Variants in SKAP2 observed in about 807,000 individuals in gnomAD.
SKAP2 encodes src kinase associated phosphoprotein 2.
A neutral mutation model predicts 54.9 loss-of-function variants in SKAP2; 28 were observed. The observed-to-expected ratio is 0.51, with a 90% CI of 0.38 to 0.70. The LOEUF (loss-of-function observed/expected upper bound fraction) is 0.70. Among genes scored for constraint, SKAP2 ranks in the 30% least tolerant of loss-of-function variants. The probability of loss-of-function intolerance (pLI) is 0.00; values close to 1 mark genes in which losing one functional copy is unlikely to be tolerated. For synonymous variants in SKAP2, 137 were observed against 134.3 expected (o/e 1.02, Z -0.14); for missense variants, 356 against 424.1 (o/e 0.84, Z 1.41).
At chr7:26,802,880 A>C (rs981856629) in intron 4 of SKAP2, among the ~76,000 whole-genome samples, 1 of 152,048 alleles carries the variant, frequency 6.6e-6, no homozygotes, top group African/African-American at 2.4e-5. Context: ...TCAATAAATA[A>C]ATAAATAAAT....
intron 11 of SKAP2, among the ~76,000 whole-genome samples, chr7:26,683,507 A>ACACT (rs1786554842): frequency 6.7e-6 from 1 of 148,346 alleles, no homozygotes; most frequent in African/African-American, 2.6e-5. Flanking sequence ...GGGTCCTGGC[A>ACACT]CACTGCAGGT....
intron 4 of SKAP2, among the ~76,000 whole-genome samples, chr7:26,794,755 C>T (rs1036191849): frequency 1.1e-4 from 17 of 152,012 alleles, no homozygotes; most frequent in African/African-American, 3.9e-4. Flanking sequence ...TTGTCCAGCC[C>T]ACCACCACTG....
chr7:26,771,471 C>T (rs997156519), intron 4 of SKAP2, among the ~76,000 whole-genome samples: 9 of 152,090 alleles, frequency 5.9e-5, no homozygotes, highest in African/African-American at 2.2e-4. Context: ...CTTGTGATAC[C>T]AGTGGATAGG....
At chr7:26,850,298 G>A (rs1272624418) in intron 3 of SKAP2, among the ~76,000 whole-genome samples, 5 of 152,038 alleles carry the variant, frequency 3.3e-5, no homozygotes, top group East Asian at 1.9e-4. Context: ...TTATTCTGTC[G>A]GCCGAGCATG....
At chr7:26,737,341 C>T (rs920744827) in intron 6 of SKAP2, among the ~76,000 whole-genome samples, 1 of 152,200 alleles carries the variant, frequency 6.6e-6, no homozygotes, top group Admixed American at 6.5e-5. Flanking sequence ...TTGTTTATAG[C>T]TGTTTACAGT....
chr7:26,831,352 T>C (rs894204686), intron 4 of SKAP2, among the ~76,000 whole-genome samples: 3 of 152,110 alleles, frequency 2.0e-5, no homozygotes, highest in Admixed American at 6.5e-5. Context: ...CACTAACAGT[T>C]TTCAACACAG....
rs202067624 is a variant in SKAP2 at position 26,864,441 on chromosome 7, C to G, written c.-12G>C. ...CTGGGGTTGGGCATGTTAGGGAGCG[C>G]AGGGCGTGCGGGGAAAGGACCTGCG... On this transcript the variant is annotated 5_prime_UTR_variant, in exon 1 of 13. Transcript: ENST00000345317. 12 of 1,597,576 alleles carry G rather than the reference C, an allele frequency of 7.5e-6. No homozygotes were observed. Among genetic ancestry groups the G allele is most frequent in the Non-Finnish European group, 1.0e-5 (12 of 1,171,782 alleles).
intron 9 of SKAP2, among the ~76,000 whole-genome samples, chr7:26,717,702 G>A (rs1023925443): frequency 5.3e-5 from 8 of 150,412 alleles, no homozygotes; most frequent in African/African-American, 9.7e-5. Flanking sequence ...GCGTGGTGGC[G>A]CATGCCTGTA....
chr7:26,794,822 GA>G (rs1323853559), intron 4 of SKAP2, among the ~76,000 whole-genome samples: 1 of 152,116 alleles, frequency 6.6e-6, no homozygotes, highest in Non-Finnish European at 1.5e-5. Flanking sequence ...TAGGAAGGTG[GA>G]TATCTTGTCC....
chr7:26,846,486 C>T (rs181523698), intron 3 of SKAP2, among the ~76,000 whole-genome samples: 38 of 151,974 alleles, frequency 2.5e-4, no homozygotes, highest in African/African-American at 8.4e-4. Flanking sequence ...AATGCAAACA[C>T]GATTCTATAT....
intron 4 of SKAP2, among the ~76,000 whole-genome samples, chr7:26,770,115 G>T (rs984790978): frequency 6.6e-6 from 1 of 152,194 alleles, no homozygotes. Context: ...ATAAGCCCCT[G>T]ACTGAGGCTG....
At chr7:26,842,235 T>C (rs1784831084) in intron 4 of SKAP2, among the ~76,000 whole-genome samples, 1 of 151,610 alleles carries the variant, frequency 6.6e-6, no homozygotes, top group African/African-American at 2.4e-5. Flanking sequence ...CACTAATGAA[T>C]AGGCACTATT....
chr7:26,830,136 C>T (rs1029414606), intron 4 of SKAP2, among the ~76,000 whole-genome samples: 1 of 152,050 alleles, frequency 6.6e-6, no homozygotes, highest in African/African-American at 2.4e-5. Context: ...GCCAGACATA[C>T]AAAGTTCTGA....
At chr7:26,656,257 A>G in the SKAP2 span, among the ~76,000 whole-genome samples, 2 of 152,182 alleles carry the variant, frequency 1.3e-5, no homozygotes, top group African/African-American at 4.8e-5. Context: ...CACTAATTAA[A>G]TGGCTTCCCA....
chr7:26,823,364 C>T (rs113003633), intron 4 of SKAP2, among the ~76,000 whole-genome samples: 31,369 of 144,172 alleles, frequency 0.22, 3,413 homozygotes, highest in Non-Finnish European at 0.24. Context: ...AGGTGGGGGT[C>T]GCAGTGAGCC....
rs1484622375 is a variant in SKAP2, at chr7:26,844,106, G to T, written c.231C>A (p.Asp77Glu). Reference sequence around the variant, plus strand: ...TAGTGTCTGGAGGCCCAGCAAAAGGGTCATCATATTCTTCCCCATCTTCTG... The same window carrying T: ...TAGTGTCTGGAGGCCCAGCAAAAGGTTCATCATATTCTTCCCCATCTTCTG... The part of the protein sequence containing the change: ...GDAEDGEEYD[D>E]PFAGPPDTIS... Residue 77 changes from aspartate to glutamate, a missense_variant, in exon 4 of 13, where the codon GAC becomes GAA. Coordinates refer to ENST00000345317, the MANE Select transcript of SKAP2 (RefSeq NM_003930.5). The T allele has an allele frequency of 6.2e-7, 1 of 1,610,288 alleles. No individual in the cohort carries two copies. Among genetic ancestry groups the T allele is most frequent in the East Asian group, 2.2e-5 (1 of 44,784 alleles).
chr7:26,696,500 C>A (rs1786897707), intron 9 of SKAP2, among the ~76,000 whole-genome samples: 1 of 152,074 alleles, frequency 6.6e-6, no homozygotes, highest in Non-Finnish European at 1.5e-5. Flanking sequence ...AATGAGATAA[C>A]CAGATTTCTC....
At chr7:26,746,588 A>G (rs1391043481) in intron 4 of SKAP2, 1 of 150,892 alleles carries the variant, frequency 6.6e-6, no homozygotes, top group East Asian at 1.9e-4. Flanking sequence ...AGGTTAAAGA[A>G]GTCTGTAATG....
intron 4 of SKAP2, among the ~76,000 whole-genome samples, chr7:26,840,026 C>A (rs1184208976): frequency 6.6e-6 from 1 of 151,930 alleles, no homozygotes; most frequent in Admixed American, 6.6e-5. Context: ...GATAATAGTT[C>A]AGCCTTTTTC....
Sources: gnomAD v4.1 joint callset for allele counts (sites outside exome capture counted in the v4.1 genomes callset) on GRCh38, gnomAD v4.1.1 for gene constraint, MANE v1.5 for transcripts, NCBI Gene and HGNC (gene_info 2026-07-23, HGNC 2026-07-21) for gene names.